The following SENP3 variants were observed in gnomAD, a reference collection of about 807,000 sequenced individuals.
SENP3 encodes SUMO specific peptidase 3.
A neutral mutation model predicts 66.2 loss-of-function variants in SENP3; 11 were observed. That is an observed-to-expected ratio of 0.17 (90% CI 0.10 to 0.28). The LOEUF is 0.28. Ranked by LOEUF, SENP3 falls within the 10% of genes least tolerant of loss-of-function variation. The pLI is 1.00. For synonymous variants in SENP3, 292 were observed against 277.6 expected (o/e 1.05, Z -0.52); for missense variants, 548 against 743.7 (o/e 0.74, Z 3.06).
In SENP3 at chr17:7,570,303, C is replaced by G; in HGVS notation, c.1342-53C>G. The stretch of plus-strand genomic sequence containing the variant: ...CTGTTCCTCTCTAGAACCTTCATGG[C>G]AAAAGGCAAGACTTCTGTTTGTTGT... On this transcript the variant is annotated intron_variant, in intron 7 of 10. Transcript: ENST00000321337. This position sits in a 1 kb window ranked among gnomAD's most constrained non-coding sequence, Gnocchi z 5.4. 9 of 1,589,530 alleles carry G rather than the reference C, an allele frequency of 5.7e-6. No individual in the cohort carries two copies. The highest frequency in any genetic ancestry group is 7.7e-6 in the Non-Finnish European group (9 of 1,162,336).
rs2071326452 is a variant in SENP3, at chr17:7,571,893, ATATATATATATATATAAAAATATAT to A, written c.*411_*435del. 1.4e-3 allele frequency: 17 copies of A among 11,990 alleles called. 2 individuals are homozygous for A. Among genetic ancestry groups the A allele is most frequent in the Non-Finnish European group, 2.6e-3 (13 of 4,980 alleles). The allele number at this position is 11,990 out of a possible 1,614,324, so 0.7% of individuals were successfully genotyped here. A position where few individuals can be genotyped will look rare whatever the true frequency, so the allele number is the denominator to read the frequency against. ...TATATATATATATATATATATATAT[ATATATATATATATATAAAAATATAT>A]AAATGCCACGGTCCTGCTCTGGTCA... is the stretch of plus-strand genomic sequence containing the variant. On this transcript the variant is annotated 3_prime_UTR_variant, in exon 11 of 11. Transcript: ENST00000321337.
At chr17:7,567,031 T>C in intron 7 of SENP3, 27 bp downstream of exon 7, 1 of 1,367,536 alleles carries the variant, frequency 7.3e-7, no homozygotes, top group South Asian at 1.2e-5. Context: ...CATCCACTTG[T>C]GTAATGCCTT....
rs1284567233 is a variant in SENP3 at position 7,570,336 on chromosome 17, C to CG, written c.1342-20_1342-19insG. The CG allele has an allele frequency of 6.2e-7, 1 of 1,608,738 alleles. No individual in the cohort carries two copies. Among genetic ancestry groups the CG allele is most frequent in the Non-Finnish European group, 8.5e-7 (1 of 1,175,698 alleles). On this transcript the variant is annotated intron_variant, in intron 7 of 10. Transcript: ENST00000321337. The surrounding 1 kb of genome is among the most constrained non-coding windows in gnomAD (Gnocchi z 5.4). ...AAGACTTCTGTTTGTTGTACCTGACCTGTGGCACTATCTCTTTAGGTGGAC... is the reference window on the plus strand; with the variant it reads ...AAGACTTCTGTTTGTTGTACCTGACCGTGTGGCACTATCTCTTTAGGTGGAC...
rs1368781577 is a variant in SENP3, at chr17:7,563,599, G to A, written c.523G>A (p.Ala175Thr). 4 of 1,576,792 alleles carry A rather than the reference G, an allele frequency of 2.5e-6. No individual in the cohort carries two copies. The highest frequency in any genetic ancestry group is 1.9e-5 in the Admixed American group (1 of 53,186). ...KNHLSPQQGG[A>T]TPQVPSPCCR... ...CCATCTTTCACCCCAGCAAGGGGGTGCGACGCCACAGGTGCCATCCCCCTG... is the reference window on the plus strand; with the variant it reads ...CCATCTTTCACCCCAGCAAGGGGGTACGACGCCACAGGTGCCATCCCCCTG... Residue 175 changes from alanine to threonine, a missense_variant, in exon 2 of 11, where the codon GCG becomes ACG. Physicochemically the swap from Ala to Thr is moderately conservative, Grantham distance 58. Around this residue, in one of 6 missense-constraint regions of SENP3, gnomAD observed 215 missense variants for 230.7 expected, o/e 0.93. Coordinates refer to ENST00000321337, the MANE Select transcript of SENP3 (RefSeq NM_015670.6).
chr17:7,568,414 G>T (rs1020187115), intron 7 of SENP3, among the ~76,000 whole-genome samples: 1 of 152,190 alleles, frequency 6.6e-6, no homozygotes. Flanking sequence ...TGGCCGACCT[G>T]GCGAAACCCT....
Position 7,567,002 on chromosome 17 carries a change from A to C in SENP3, c.1339A>C (p.Asn447His). 1 of 1,558,522 alleles carries C rather than the reference A, an allele frequency of 6.4e-7. No homozygotes were observed. Among genetic ancestry groups the C allele is most frequent in the South Asian group, 1.2e-5 (1 of 84,738 alleles). Residue 447 changes from asparagine to histidine, a missense_variant and splice_region_variant, in exon 7 of 11, where the codon AAC (asparagine) becomes CAC (histidine). Around this residue, in one of 6 missense-constraint regions of SENP3, gnomAD observed 4 missense variants for 34.9 expected, o/e 0.11. Coordinates refer to ENST00000321337, the MANE Select transcript of SENP3 (RefSeq NM_015670.6). ...TGATGGGGTGAAAAGGTGGACCAAA[A>C]ACGTGAGTTTTGAATTCACATCCAC... is the stretch of plus-strand genomic sequence containing the variant. ...GYDGVKRWTKNVDIFNKELLL... is the reference protein window; with the variant it reads ...GYDGVKRWTKHVDIFNKELLL...
At chr17:7,564,097 A>C (rs952591580) in intron 2 of SENP3, among the ~76,000 whole-genome samples, 1 of 152,084 alleles carries the variant, frequency 6.6e-6, no homozygotes, top group African/African-American at 2.4e-5. Context: ...TCCACACGAA[A>C]TCCCTTGTCG....
Position 7,562,286 on chromosome 17 carries a change from C to A in SENP3, c.-12+23C>A. ...CCGGTGAGGACGCCCCCTCCCCTCCCCCCAGCCCTGCCTTGGCCTCTCCCA... is the reference window on the plus strand; with the variant it reads ...CCGGTGAGGACGCCCCCTCCCCTCCACCCAGCCCTGCCTTGGCCTCTCCCA... On this transcript the variant is annotated intron_variant, in intron 1 of 10. Transcript: ENST00000321337. This position sits in a 1 kb window ranked among gnomAD's most constrained non-coding sequence, Gnocchi z 5.0. 2.5e-6 allele frequency: 1 copy of A among 398,132 alleles called. No homozygotes were observed. Among genetic ancestry groups the A allele is most frequent in the South Asian group, 1.3e-4 (1 of 7,846 alleles). 24.7% of individuals were successfully genotyped at this position (398,132 alleles called of 1,614,324 possible). A position where few individuals can be genotyped will look rare whatever the true frequency, so the allele number is the denominator to read the frequency against.
Position 7,570,441 on chromosome 17 carries a change from G to T in SENP3, c.1427G>T (p.Arg476Leu). The change falls in exon 8 of 11, where the codon CGC (arginine) becomes CTC (leucine). Residue 476 changes from arginine (R) to leucine (L), a missense_variant. Arg to Leu is a moderately radical substitution (Grantham distance 102, BLOSUM62 -2). Transcript: ENST00000321337. The surrounding 1 kb of genome is among the most constrained non-coding windows in gnomAD (Gnocchi z 5.4). ...WSLISVDVRR[R>L]TITYFDSQRT... ...CTCATCTCTGTTGATGTGAGGCGAC[G>T]CACCATCACCTATTTTGACTCGCAG... is the stretch of plus-strand genomic sequence containing the variant. 1 of 1,613,662 alleles carries T rather than the reference G, an allele frequency of 6.2e-7. No individual in the cohort carries two copies. Among genetic ancestry groups the T allele is most frequent in the Non-Finnish European group, 8.5e-7 (1 of 1,179,868 alleles).
At chr17:7,564,545 G>A (rs2071252314) in intron 2 of SENP3, 80 bp from the exon 3 acceptor site, 4 of 1,567,398 alleles carry the variant, frequency 2.6e-6, no homozygotes, top group Non-Finnish European at 3.5e-6. Context: ...TTATTTGCAT[G>A]CATGAGTCAA....
chr17:7,569,123 C>T (rs913813358), intron 7 of SENP3, among the ~76,000 whole-genome samples: 2 of 152,070 alleles, frequency 1.3e-5, no homozygotes, highest in South Asian at 2.1e-4. Context: ...CGGTGGCTCA[C>T]GCCTGTAATC....
rs776880259 is a variant in SENP3 at position 7,563,271 on chromosome 17, C to T, written c.195C>T (p.Val65=). The T allele has an allele frequency of 6.4e-6, 10 of 1,554,328 alleles. No individual in the cohort carries two copies. In the South Asian group the frequency reaches 1.1e-4, roughly 17 times the overall value. The change falls in exon 2 of 11, where the codon GTC becomes GTT. Residue 65 remains valine, a synonymous_variant. Transcript: ENST00000321337. ...CAGTGCCAGCCAGACGCCTCCCTGTCCCCCGACCCTCTTTTGATGCCTCAG... is the reference window on the plus strand; with the variant it reads ...CAGTGCCAGCCAGACGCCTCCCTGTTCCCCGACCCTCTTTTGATGCCTCAG... ...GTTVPARRLP[V]PRPSFDASAS... is the part of the protein sequence containing the mutation.
At position 7,564,943 on chromosome 17, in the gene SENP3, TC is replaced by T; in HGVS notation, c.956-15del. The T allele has an allele frequency of 6.2e-7, 1 of 1,611,762 alleles. No homozygotes were observed. ...AGTCTGGAGGCCTCACCCCCTCCTCTCTCCCTTTCCACCAGGCATCTTGGAC... is the reference window on the plus strand; with the variant it reads ...AGTCTGGAGGCCTCACCCCCTCCTCTTCCCTTTCCACCAGGCATCTTGGAC... On this transcript the variant is annotated splice_polypyrimidine_tract_variant and intron_variant, in intron 3 of 10. Coordinates refer to ENST00000321337, the MANE Select transcript of SENP3 (RefSeq NM_015670.6).
intron 2 of SENP3, 87 bp from the exon 3 acceptor site, chr17:7,564,538 T>C (rs773081681): frequency 5.2e-6 from 8 of 1,552,030 alleles, no homozygotes; most frequent in Admixed American, 1.9e-5. Flanking sequence ...TGCGGTCTTA[T>C]TTGCATGCAT....
rs2071302051 is a variant in SENP3 at position 7,570,229 on chromosome 17, C to A, written c.1342-127C>A. ...TGCAGATCCTGAGCTTGCCCACAAT[C>A]TAGGCCTTGGGTCTTCTGTTCTTTC... On this transcript the variant is annotated intron_variant, in intron 7 of 10. Transcript: ENST00000321337. This position sits in a 1 kb window ranked among gnomAD's most constrained non-coding sequence, Gnocchi z 5.4. 1 of 1,198,384 alleles carries A rather than the reference C, an allele frequency of 8.3e-7. No homozygotes were observed. The highest frequency in any genetic ancestry group is 2.4e-5 in the East Asian group (1 of 42,340). The allele number at this position is 1,198,384 out of a possible 1,614,324, so 74.2% of individuals were successfully genotyped here.
chr17:7,571,669 AG>A lies in SENP3; in HGVS notation c.*191del. The A allele has an allele frequency of 2.0e-6, 1 of 511,844 alleles. No homozygotes were observed. Among genetic ancestry groups the A allele is most frequent in the Non-Finnish European group, 3.5e-6 (1 of 286,114 alleles). 31.7% of individuals were successfully genotyped at this position (511,844 alleles called of 1,614,324 possible). On this transcript the variant is annotated 3_prime_UTR_variant, in exon 11 of 11. Transcript: ENST00000321337. The stretch of plus-strand genomic sequence containing the variant: ...GAATACTTGTTGATTTCTGATGTGC[AG>A]GGGGTGGCTACAGAAAAGCCCCTTT...
chr17:7,562,763 A>G lies in SENP3; in HGVS notation c.-11-303A>G, dbSNP rs957371699. ...TCAAAGGACAGCCCTGGTGGTATTA[A>G]AATAAAGACGTAGAACCTGGCAGTG... On this transcript the variant is annotated intron_variant, in intron 1 of 10. Transcript: ENST00000321337. The surrounding 1 kb of genome is among the most constrained non-coding windows in gnomAD (Gnocchi z 5.0). 1.3e-5 allele frequency among the ~76,000 whole-genome samples: 2 copies of G among 152,130 alleles called. No individual in the cohort carries two copies. Among genetic ancestry groups the G allele is most frequent in the African/African-American group, 4.8e-5 (2 of 41,446 alleles).
At chr17:7,569,119 C>T (rs572265073) in intron 7 of SENP3, among the ~76,000 whole-genome samples, 4 of 152,316 alleles carry the variant, frequency 2.6e-5, no homozygotes, top group Non-Finnish European at 5.9e-5. Flanking sequence ...GGCGCGGTGG[C>T]TCACGCCTGT....
At position 7,564,838 on chromosome 17, in the gene SENP3, G is replaced by C; in HGVS notation, c.929G>C (p.Arg310Pro). The C allele has an allele frequency of 6.2e-7, 1 of 1,612,076 alleles. No homozygotes were observed. The highest frequency in any genetic ancestry group is 1.1e-5 in the South Asian group (1 of 90,930). ...AAAGCCGGCCAGCACAGCCCCCTGC[G>C]AGAGGAGCATGTGACCTGCGTACAG... ...GEKAGQHSPL[R>P]EEHVTCVQSI... The change falls in exon 3 of 11, where the codon CGA becomes CCA. Residue 310 changes from arginine to proline, a missense_variant. Around this residue, in one of 6 missense-constraint regions of SENP3, gnomAD observed 215 missense variants for 230.7 expected, o/e 0.93. Transcript: ENST00000321337.
Sources: gnomAD v4.1 joint callset for allele counts (sites outside exome capture counted in the v4.1 genomes callset) on GRCh38, gnomAD v4.1.1 for gene constraint, gnomAD v4.1.1 regional missense constraint, Gnocchi (gnomAD v3.1) non-coding constraint, MANE v1.5 for transcripts, NCBI Gene and HGNC (gene_info 2026-07-23, HGNC 2026-07-21) for gene names.